ZNF462: variants seen among roughly 807,000 people sequenced by gnomAD.
ZNF462 encodes the protein zinc finger PBX1-interacting protein.
A neutral mutation model predicts 201.9 loss-of-function variants in ZNF462; 10 were observed. The observed-to-expected ratio is 0.05, with a 90% CI of 0.03 to 0.08. ZNF462 has a LOEUF of 0.08. Among genes scored for constraint, ZNF462 ranks in the 10% least tolerant of loss-of-function variants. The pLI is 1.00. For missense variants in ZNF462, 2,523 were observed against 3,168.3 expected, an observed-to-expected ratio of 0.80 and a Z score of 4.89; for synonymous variants, 1,227 against 1,193.3, an observed-to-expected ratio of 1.03 and a Z score of -0.58.
chr9:106,932,409 T>A lies in ZNF462; in HGVS notation c.6013-37T>A. 6.2e-7 allele frequency: 1 copy of A among 1,614,158 alleles called. No homozygotes were observed. Among genetic ancestry groups the A allele is most frequent in the Non-Finnish European group, 8.5e-7 (1 of 1,180,022 alleles). ...ATGAAACCCGGCCGGGGGGATACCA[T>A]TGCAGTCAATGTGACAGAGTCCTGA... is the stretch of plus-strand genomic sequence containing the variant. On this transcript the variant is annotated intron_variant, in intron 4 of 12. Transcript: ENST00000277225. The surrounding 1 kb of genome is among the most constrained non-coding windows in gnomAD (Gnocchi z 6.8).
rs920886550 is a variant in ZNF462 at position 106,890,183 on chromosome 9, G to A, written c.-31+26828G>A. 4.6e-5 allele frequency among the ~76,000 whole-genome samples: 7 copies of A among 152,216 alleles called. No individual in the cohort carries two copies. Among genetic ancestry groups the A allele is most frequent in the African/African-American group, 1.7e-4 (7 of 41,526 alleles). ...CTAGTGGTGGCATTTAGCTCTTTTG[G>A]CAATAAAAACTATATGTGAGAATTT... is the stretch of plus-strand genomic sequence containing the variant. On this transcript the variant is annotated intron_variant, in intron 1 of 12. Coordinates refer to ENST00000277225, the MANE Select transcript of ZNF462 (RefSeq NM_021224.6). The surrounding 1 kb of genome is among the most constrained non-coding windows in gnomAD (Gnocchi z 4.2).
At position 106,864,071 on chromosome 9, in the gene ZNF462, T is replaced by G. The variant is rs968906846; in HGVS notation, c.-31+716T>G. Among the ~76,000 whole-genome samples, 52 of 126,960 alleles carry G rather than the reference T, an allele frequency of 4.1e-4. 2 individuals are homozygous for G. The highest frequency in any genetic ancestry group is 1.6e-3 in the African/African-American group (52 of 33,108). 83.3% of individuals were successfully genotyped at this position (126,960 alleles called of 152,430 possible). ...CTCTCTCTCTCTCTCTCTCTCTCTCTCTCTCTCTCTCTCTCTCTCTCTCTC... is the reference window on the plus strand; with the variant it reads ...CTCTCTCTCTCTCTCTCTCTCTCTCGCTCTCTCTCTCTCTCTCTCTCTCTC... On this transcript the variant is annotated intron_variant, in intron 1 of 12. Transcript: ENST00000277225.
chr9:106,932,671 A>G lies in ZNF462; in HGVS notation c.6116+122A>G, dbSNP rs933219951. ...CCACTCATGGTTCACACCTGCTGCT[A>G]TGTTACCTGGAGCCTCAGTCACCTT... is the stretch of plus-strand genomic sequence containing the variant. On this transcript the variant is annotated intron_variant, in intron 5 of 12. Coordinates refer to ENST00000277225, the MANE Select transcript of ZNF462 (RefSeq NM_021224.6). The surrounding 1 kb of genome is among the most constrained non-coding windows in gnomAD (Gnocchi z 6.8). 2.1e-5 allele frequency: 26 copies of G among 1,248,998 alleles called. No homozygotes were observed. The highest frequency in any genetic ancestry group is 4.1e-4 in the Middle Eastern group (2 of 4,882). 77.4% of individuals were successfully genotyped at this position (1,248,998 alleles called of 1,614,324 possible).
At position 106,974,889 on chromosome 9, in the gene ZNF462, T is replaced by G. The variant is rs951978950; in HGVS notation, c.6832+616T>G. 6.5e-6 allele frequency: 1 copy of G among 153,174 alleles called. No individual in the cohort carries two copies. Among genetic ancestry groups the G allele is most frequent in the Admixed American group, 6.5e-5 (1 of 15,490 alleles). The allele number at this position is 153,174 out of a possible 1,614,324, so 9.5% of individuals were successfully genotyped here. ...ATCCATTAAAAGAGATGATTGTACC[T>G]ATGAGATAATGGGTAAAGTGTCCAG... On this transcript the variant is annotated intron_variant, in intron 9 of 12. Coordinates refer to ENST00000277225, the MANE Select transcript of ZNF462 (RefSeq NM_021224.6). This position sits in a 1 kb window ranked among gnomAD's most constrained non-coding sequence, Gnocchi z 4.0.
Position 106,925,319 on chromosome 9 carries a change from C to G in ZNF462, c.1407C>G (p.Val469=). Reference sequence around the variant, plus strand: ...TCCACTTATCTGGAAAGACAGCTGTCTACAAATGTGACGAATGTCCGTTTA... The same window carrying G: ...TCCACTTATCTGGAAAGACAGCTGTGTACAAATGTGACGAATGTCCGTTTA... The part of the protein sequence containing the change: ...ENIHLSGKTA[V]YKCDECPFTC... Residue 469 remains valine, a synonymous_variant, in exon 3 of 13, where the codon GTC becomes GTG. Transcript: ENST00000277225. The surrounding 1 kb of genome is among the most constrained non-coding windows in gnomAD (Gnocchi z 7.9). 2 of 1,614,188 alleles carry G rather than the reference C, an allele frequency of 1.2e-6. No individual in the cohort carries two copies. The highest frequency in any genetic ancestry group is 1.7e-6 in the Non-Finnish European group (2 of 1,180,034).
rs965128659 is a variant in ZNF462 at position 106,885,014 on chromosome 9, G to A, written c.-31+21659G>A. ...AAAAGATAAGAAGTAACTTGGAGAG[G>A]TTAAGATTCTGCTTCAAAGCAATGT... On this transcript the variant is annotated intron_variant, in intron 1 of 12. Transcript: ENST00000277225. This position sits in a 1 kb window ranked among gnomAD's most constrained non-coding sequence, Gnocchi z 4.1. Among the ~76,000 whole-genome samples the A allele has an allele frequency of 6.6e-6, 1 of 152,190 alleles. No individual in the cohort carries two copies. The highest frequency in any genetic ancestry group is 1.5e-5 in the Non-Finnish European group (1 of 68,022).
chr9:106,901,534 C>T (rs1357272293), intron 1 of ZNF462, among the ~76,000 whole-genome samples: 1 of 152,140 alleles, frequency 6.6e-6, no homozygotes, highest in Non-Finnish European at 1.5e-5. Context: ...AATATTGATT[C>T]TACCCATCCA....
intron 1 of ZNF462, among the ~76,000 whole-genome samples, chr9:106,892,303 CAGA>C (rs1386647456): frequency 6.6e-6 from 1 of 152,182 alleles, no homozygotes; most frequent in East Asian, 1.9e-4. Context: ...AAGTGCAACT[CAGA>C]AGATTAGGTA....
Position 106,950,983 on chromosome 9 carries a change from C to A in ZNF462, c.6427+11876C>A, listed in dbSNP as rs984187308. Reference sequence around the variant, plus strand: ...CGAGCGCCTGTAATTCCAGCCACTCCGGAGGCTGAGGTGGGAGAATTGCTT... The same window carrying A: ...CGAGCGCCTGTAATTCCAGCCACTCAGGAGGCTGAGGTGGGAGAATTGCTT... On this transcript the variant is annotated intron_variant, in intron 7 of 12. Transcript: ENST00000277225. This position sits in a 1 kb window ranked among gnomAD's most constrained non-coding sequence, Gnocchi z 4.1. Among the ~76,000 whole-genome samples the A allele has an allele frequency of 1.3e-5, 2 of 151,532 alleles. No individual in the cohort carries two copies. Among genetic ancestry groups the A allele is most frequent in the East Asian group, 3.9e-4 (2 of 5,160 alleles).
Position 107,003,378 on chromosome 9 carries a change from G to A in ZNF462, c.7141G>A (p.Asp2381Asn), listed in dbSNP as rs1482086725. The A allele has an allele frequency of 6.2e-6, 10 of 1,613,844 alleles. No individual in the cohort carries two copies. The highest frequency in any genetic ancestry group is 7.6e-6 in the Non-Finnish European group (9 of 1,179,838). Residue 2381 changes from aspartate (D) to asparagine (N), a missense_variant, in exon 11 of 13, where the codon GAT becomes AAT. Coordinates refer to ENST00000277225, the MANE Select transcript of ZNF462 (RefSeq NM_021224.6). This position sits in a 1 kb window ranked among gnomAD's most constrained non-coding sequence, Gnocchi z 4.4. Reference sequence around the variant, plus strand: ...GGAGAAAATGGAGAGCTCCAGCAGCGATGATGAGGACAAGGAAGAAGAAAT... The same window carrying A: ...GGAGAAAATGGAGAGCTCCAGCAGCAATGATGAGGACAAGGAAGAAGAAAT... The part of the protein sequence containing the change: ...MKEKMESSSS[D>N]DEDKEEEMNS...
intron 1 of ZNF462, among the ~76,000 whole-genome samples, chr9:106,909,867 T>C (rs1465454673): frequency 2.6e-5 from 4 of 152,240 alleles, no homozygotes. Flanking sequence ...GAATAACAGA[T>C]ACTCTTTTAT....
rs41277823 is a variant in ZNF462, at chr9:106,928,842, G to A, written c.4930G>A (p.Val1644Met). The A allele has an allele frequency of 2.2e-5, 35 of 1,613,998 alleles. No homozygotes were observed. Among genetic ancestry groups the A allele is most frequent in the African/African-American group, 2.7e-5 (2 of 75,006 alleles). ...ITEEEVGEEP[V>M]STSHFSTSHL... The stretch of plus-strand genomic sequence containing the variant: ...TGAGGAGGAGGTGGGAGAGGAGCCC[G>A]TGTCCACTTCTCACTTCTCTACCTC... The change falls in exon 3 of 13, where the codon GTG becomes ATG. Residue 1644 changes from valine to methionine, a missense_variant. Around this residue, in one of 15 missense-constraint regions of ZNF462, gnomAD observed 200 missense variants for 281.3 expected, o/e 0.71. Coordinates refer to ENST00000277225, the MANE Select transcript of ZNF462 (RefSeq NM_021224.6). This position sits in a 1 kb window ranked among gnomAD's most constrained non-coding sequence, Gnocchi z 9.3.
intron 9 of ZNF462, chr9:106,975,701 C>G (rs1248941465): frequency 6.6e-6 from 1 of 152,228 alleles, no homozygotes; most frequent in African/African-American, 2.4e-5. Context: ...AAGGGGCCAT[C>G]AGCAGGGCTG....
intron 1 of ZNF462, among the ~76,000 whole-genome samples, chr9:106,908,181 GT>G (rs774111440): frequency 2.0e-4 from 31 of 152,070 alleles, no homozygotes; most frequent in Non-Finnish European, 4.1e-4. Context: ...ATGAAAATAT[GT>G]TTTCTATTTC....
intron 1 of ZNF462, among the ~76,000 whole-genome samples, chr9:106,907,354 T>A (rs541594468): frequency 3.9e-5 from 6 of 152,288 alleles, no homozygotes; most frequent in African/African-American, 1.4e-4. Context: ...TCTGATTTAC[T>A]GATTCCTTAA....
chr9:106,861,085 A>T (rs1047596101), upstream of ZNF462, among the ~76,000 whole-genome samples: 1 of 150,018 alleles, frequency 6.7e-6, no homozygotes, highest in African/African-American at 2.5e-5. Context: ...GTAGAGTGTC[A>T]TTTATTTATT....
In ZNF462 at chr9:106,872,372, C is replaced by T. The variant is rs61263167; in HGVS notation, c.-31+9017C>T. Among the ~76,000 whole-genome samples, 3 of 151,972 alleles carry T rather than the reference C, an allele frequency of 2.0e-5. No homozygotes were observed. Among genetic ancestry groups the T allele is most frequent in the Non-Finnish European group, 4.4e-5 (3 of 67,950 alleles). On this transcript the variant is annotated intron_variant, in intron 1 of 12. Coordinates refer to ENST00000277225, the MANE Select transcript of ZNF462 (RefSeq NM_021224.6). This position sits in a 1 kb window ranked among gnomAD's most constrained non-coding sequence, Gnocchi z 4.5. ...TGTAGAAGAGACCATTTTCTTTTTT[C>T]TTTTCTTTTTGGAGACAGTTTTGCT...
intron 7 of ZNF462, among the ~76,000 whole-genome samples, chr9:106,964,647 G>C (rs978249955): frequency 2.0e-5 from 3 of 151,978 alleles, no homozygotes; most frequent in East Asian, 1.9e-4. Context: ...TTTATAGTTG[G>C]TCTTGCCAAA....
intron 6 of ZNF462, among the ~76,000 whole-genome samples, chr9:106,937,241 A>G (rs1012849052): frequency 1.3e-5 from 2 of 152,184 alleles, no homozygotes; most frequent in African/African-American, 2.4e-5. Context: ...TAGAATAAAG[A>G]GGGCAGTAGT....
Sources: allele counts gnomAD v4.1 joint callset (sites outside exome capture counted in the v4.1 genomes callset), GRCh38; gene constraint gnomAD v4.1.1; regional missense constraint gnomAD v4.1.1; non-coding constraint Gnocchi (gnomAD v3.1); transcripts MANE v1.5; gene names NCBI Gene and HGNC (gene_info 2026-07-23, HGNC 2026-07-21).